The following PPP2R3A variants were observed in gnomAD, a reference collection of about 807,000 sequenced individuals.
PPP2R3A encodes protein phosphatase 2 regulatory subunit B''alpha.
Under a neutral mutation model 106.9 loss-of-function variants are expected in PPP2R3A, and 80 were observed. The ratio of observed to expected loss-of-function variants is 0.75; its 90% CI spans 0.62 to 0.90. The LOEUF (loss-of-function observed/expected upper bound fraction) is 0.90. PPP2R3A is among the 40% of genes least tolerant of loss of function. PPP2R3A has a pLI of 0.00. For synonymous variants in PPP2R3A, 483 were observed against 468.3 expected (o/e 1.03, Z -0.41); for missense variants, 1,386 against 1,350.4 (o/e 1.03, Z -0.41).
intron 6 of PPP2R3A, among the ~76,000 whole-genome samples, chr3:136,071,080 A>G (rs1262173345): frequency 6.6e-6 from 1 of 152,254 alleles, no homozygotes; most frequent in Non-Finnish European, 1.5e-5. Context: ...TAGGTCAGGA[A>G]TTATAAGTGA....
chr3:136,074,551 A>G (rs1041438621), intron 6 of PPP2R3A, among the ~76,000 whole-genome samples: 1 of 152,232 alleles, frequency 6.6e-6, no homozygotes, highest in Non-Finnish European at 1.5e-5. Context: ...GCTTATCCAA[A>G]CCAACATATG....
At chr3:136,119,251 C>G (rs962817671) in intron 13 of PPP2R3A, among the ~76,000 whole-genome samples, 11 of 152,144 alleles carry the variant, frequency 7.2e-5, no homozygotes, top group Admixed American at 2.0e-4. Flanking sequence ...AACGTAAGAC[C>G]TAAAACATAA....
rs1939076148 is a variant in PPP2R3A at position 136,145,341 on chromosome 3, G to C, written c.*175G>C. The C allele has an allele frequency of 2.6e-6, 2 of 781,482 alleles. No homozygotes were observed. Among genetic ancestry groups the C allele is most frequent in the Non-Finnish European group, 3.6e-6 (2 of 551,402 alleles). 48.4% of individuals were successfully genotyped at this position (781,482 alleles called of 1,614,324 possible). A position where few individuals can be genotyped will look rare whatever the true frequency, so the allele number is the denominator to read the frequency against. The stretch of plus-strand genomic sequence containing the variant: ...TCTGGATACACATTTAACTTAGGAG[G>C]CTCCTCCAATTTGCCTCAAACCTCT... On this transcript the variant is annotated 3_prime_UTR_variant, in exon 14 of 14. Transcript: ENST00000264977.
Position 136,001,466 on chromosome 3 carries a change from T to G in PPP2R3A, c.-33T>G. The G allele has an allele frequency of 6.4e-7, 1 of 1,569,946 alleles. No individual in the cohort carries two copies. The stretch of plus-strand genomic sequence containing the variant: ...TTTTCATGAAACAAGTTCTAGAAAG[T>G]TCCAAGTCCCACCAGTAAGTGGATT... On this transcript the variant is annotated 5_prime_UTR_variant, in exon 2 of 14. Transcript: ENST00000264977.
intron 7 of PPP2R3A, among the ~76,000 whole-genome samples, chr3:136,079,609 G>A (rs1338278190): frequency 6.6e-6 from 1 of 151,700 alleles, no homozygotes; most frequent in Non-Finnish European, 1.5e-5. Flanking sequence ...GGATTTCACT[G>A]TGTTGGCCAG....
intron 1 of PPP2R3A, among the ~76,000 whole-genome samples, chr3:135,986,413 G>T (rs1308345405): frequency 6.6e-6 from 1 of 152,008 alleles, no homozygotes; most frequent in Non-Finnish European, 1.5e-5. Flanking sequence ...GTTAAATCCA[G>T]TTCTTTGCCT....
At chr3:136,123,278 C>G (rs1938067507) in intron 13 of PPP2R3A, among the ~76,000 whole-genome samples, 1 of 151,970 alleles carries the variant, frequency 6.6e-6, no homozygotes, top group South Asian at 2.1e-4. Flanking sequence ...CACGTCAAAA[C>G]AGAAAAATTA....
At chr3:136,125,807 A>G (rs1004688640) in intron 13 of PPP2R3A, among the ~76,000 whole-genome samples, 1 of 152,230 alleles carries the variant, frequency 6.6e-6, no homozygotes, top group Admixed American at 6.5e-5. Flanking sequence ...AGTGCAGTTT[A>G]TTCCAGAAAT....
chr3:136,052,836 T>A (rs2107869004), intron 5 of PPP2R3A, among the ~76,000 whole-genome samples: 1 of 152,324 alleles, frequency 6.6e-6, no homozygotes. Flanking sequence ...TATCCTCCCA[T>A]TCTTTCCCAA....
At position 136,055,570 on chromosome 3, in the gene PPP2R3A, G is replaced by A. The variant is rs181930743; in HGVS notation, c.2469+6209G>A. 259 of 1,390,624 alleles carry A rather than the reference G, an allele frequency of 1.9e-4. No individual in the cohort carries two copies. In the African/African-American group the frequency reaches 2.8e-3, roughly 15 times the overall value. The allele number at this position is 1,390,624 out of a possible 1,614,324, so 86.1% of individuals were successfully genotyped here. On this transcript the variant is annotated intron_variant, in intron 5 of 13. Transcript: ENST00000264977. ...CATGCTGCTCAAATCTTCACAGAGCGGGTCTTTCTCTGCAGTACTGTATCC... is the reference window on the plus strand; with the variant it reads ...CATGCTGCTCAAATCTTCACAGAGCAGGTCTTTCTCTGCAGTACTGTATCC...
At chr3:136,000,587 G>T (rs1933582281) in intron 1 of PPP2R3A, among the ~76,000 whole-genome samples, 1 of 152,168 alleles carries the variant, frequency 6.6e-6, no homozygotes, top group African/African-American at 2.4e-5. Context: ...GGTACTAGGT[G>T]TTGGTAGTCT....
At chr3:136,118,903 A>G (rs1161650322) in intron 13 of PPP2R3A, among the ~76,000 whole-genome samples, 1 of 152,198 alleles carries the variant, frequency 6.6e-6, no homozygotes. Flanking sequence ...AAAAGAGCCC[A>G]CATTGCCAAG....
chr3:136,136,070 AAAATT>A lies in PPP2R3A; in HGVS notation c.3330-8971_3330-8967del, dbSNP rs1559940238. Among the ~76,000 whole-genome samples, 3 of 26,786 alleles carry A rather than the reference AAAATT, an allele frequency of 1.1e-4. 1 individual carries two copies. Among genetic ancestry groups the A allele is most frequent in the Non-Finnish European group, 1.6e-4 (1 of 6,250 alleles). The allele number at this position is 26,786 out of a possible 152,430, so 17.6% of individuals were successfully genotyped here. A position where few individuals can be genotyped will look rare whatever the true frequency, so the allele number is the denominator to read the frequency against. On this transcript the variant is annotated intron_variant, in intron 13 of 13. Transcript: ENST00000264977. ...CAAAAAAAAAAAAAAAAAAAAAAAA[AAAATT>A]ATATATATATATATATATAAAAAAC... is the stretch of plus-strand genomic sequence containing the variant.
chr3:135,981,956 A>T (rs960610623), intron 1 of PPP2R3A, among the ~76,000 whole-genome samples: 16 of 151,794 alleles, frequency 1.1e-4, no homozygotes, highest in African/African-American at 2.7e-4. Context: ...GATTTGTATT[A>T]CTCTGGTAGT....
At chr3:136,011,994 T>TAC (rs35643220) in intron 2 of PPP2R3A, among the ~76,000 whole-genome samples, 467 of 148,140 alleles carry the variant, frequency 3.2e-3, no homozygotes, top group East Asian at 0.016. Flanking sequence ...CACACACACA[T>TAC]ACACACACAC....
At chr3:136,099,179 C>T (rs1376481448) in intron 10 of PPP2R3A, among the ~76,000 whole-genome samples, 6 of 152,112 alleles carry the variant, frequency 3.9e-5, no homozygotes, top group Non-Finnish European at 1.5e-5. Context: ...GACACTGGGT[C>T]ATCCCCAAGG....
intron 5 of PPP2R3A, among the ~76,000 whole-genome samples, chr3:136,065,731 A>G (rs1182174593): frequency 6.6e-6 from 1 of 152,228 alleles, no homozygotes. Context: ...GCTGGAATGC[A>G]GTGGCACCAT....
At chr3:136,099,256 A>G (rs893495139) in intron 10 of PPP2R3A, among the ~76,000 whole-genome samples, 4 of 152,200 alleles carry the variant, frequency 2.6e-5, no homozygotes, top group African/African-American at 4.8e-5. Flanking sequence ...CAGAACCTCC[A>G]ATCAGCTTTT....
chr3:136,002,061 C>G lies in PPP2R3A; in HGVS notation c.563C>G (p.Ser188Cys), dbSNP rs1933646791. The change falls in exon 2 of 14, where the codon TCT becomes TGT. Residue 188 changes from serine (S) to cysteine (C), a missense_variant. Ser to Cys is a moderately radical substitution (Grantham distance 112). Transcript: ENST00000264977. ...RSSSVEEKPL[S>C]HRNSLDTNLT... ...TCCTCAGTTGAGGAAAAACCTTTGT[C>G]TCATAGAAACTCACTGGATACGAAC... is the stretch of plus-strand genomic sequence containing the variant. 1 of 1,613,934 alleles carries G rather than the reference C, an allele frequency of 6.2e-7. No individual in the cohort carries two copies. Among genetic ancestry groups the G allele is most frequent in the South Asian group, 1.1e-5 (1 of 91,010 alleles).
Sources: gnomAD v4.1 joint callset for allele counts (sites outside exome capture counted in the v4.1 genomes callset) on GRCh38, gnomAD v4.1.1 for gene constraint, MANE v1.5 for transcripts, NCBI Gene and HGNC (gene_info 2026-07-23, HGNC 2026-07-21) for gene names.